NAV3: variants seen among roughly 807,000 people sequenced by gnomAD.
NAV3 encodes the protein neuron navigator 3, also known as pore membrane and/or filament interacting like protein 1.
In NAV3, 87 loss-of-function variants were observed where a neutral mutation model predicts 244.7. That is an observed-to-expected ratio of 0.36 (90% CI 0.30 to 0.42). The LOEUF (loss-of-function observed/expected upper bound fraction) is 0.42. Ranked by LOEUF, NAV3 falls within the 20% of genes least tolerant of loss-of-function variation. The pLI is 1.00. For synonymous variants in NAV3, 1,126 were observed against 1,042.2 expected (o/e 1.08, Z -1.55); for missense variants, 2,663 against 2,893.3 (o/e 0.92, Z 1.83).
chr12:77,946,917 T>C (rs1479018), intron 3 of NAV3, among the ~76,000 whole-genome samples: 47,224 of 151,914 alleles, frequency 0.31, 8,512 homozygotes, highest in East Asian at 0.44. Flanking sequence ...GACATCTGAT[T>C]ATGTGAAATA....
At chr12:77,833,836 G>A (rs1037758814) in intron 1 of NAV3, among the ~76,000 whole-genome samples, 2 of 152,094 alleles carry the variant, frequency 1.3e-5, no homozygotes, top group African/African-American at 4.8e-5. Context: ...GAGTTGGGCC[G>A]CCCAGCAGCC....
At position 78,095,064 on chromosome 12, in the gene NAV3, T is replaced by TAC. The variant is rs56856471; in HGVS notation, c.2637-21684_2637-21683dup. On this transcript the variant is annotated intron_variant, in intron 12 of 39. Coordinates refer to ENST00000397909, the MANE Select transcript of NAV3 (RefSeq NM_001024383.2). The stretch of plus-strand genomic sequence containing the variant: ...ATCAAATTATATATATATATATATA[T>TAC]ACACACACACACACACACACACACA... Among the ~76,000 whole-genome samples the TAC allele has an allele frequency of 4.9e-3, 674 of 137,558 alleles. 13 individuals are homozygous for TAC. The highest frequency in any genetic ancestry group is 0.024 in the East Asian group (115 of 4,876). The allele number at this position is 137,558 out of a possible 152,430, so 90.2% of individuals were successfully genotyped here. A position where few individuals can be genotyped will look rare whatever the true frequency, so the allele number is the denominator to read the frequency against.
chr12:77,882,445 G>A (rs1308131542), intron 1 of NAV3, among the ~76,000 whole-genome samples: 2 of 152,028 alleles, frequency 1.3e-5, no homozygotes, highest in African/African-American at 2.4e-5. Context: ...ATGGATTAAC[G>A]ACTTAAATGT....
intron 12 of NAV3, among the ~76,000 whole-genome samples, chr12:78,078,556 C>A (rs905757057): frequency 2.0e-5 from 3 of 151,374 alleles, no homozygotes; most frequent in African/African-American, 4.9e-5. Flanking sequence ...CCACTACGCC[C>A]GGCTAATTTT....
Position 78,146,381 on chromosome 12 carries a change from G to A in NAV3, c.4696G>A (p.Ala1566Thr), listed in dbSNP as rs772403371. The change falls in exon 21 of 40, where the codon GCT becomes ACT. Residue 1566 changes from alanine to threonine, a missense_variant. Coordinates refer to ENST00000397909, the MANE Select transcript of NAV3 (RefSeq NM_001024383.2). ...SSLYSTAEEKAHSEQIHKLRR... is the reference protein window; with the variant it reads ...SSLYSTAEEKTHSEQIHKLRR... ...TATTGTTTTACAGGCTGAAGAAAAG[G>A]CTCATTCAGAGGTAAAAAAAAAATA... The A allele has an allele frequency of 1.8e-6, 2 of 1,089,176 alleles. No homozygotes were observed. Among genetic ancestry groups the A allele is most frequent in the Non-Finnish European group, 2.5e-6 (2 of 797,526 alleles). 67.5% of individuals were successfully genotyped at this position (1,089,176 alleles called of 1,614,324 possible).
chr12:78,067,291 G>A (rs866351894), intron 12 of NAV3, among the ~76,000 whole-genome samples: 1 of 152,008 alleles, frequency 6.6e-6, no homozygotes, highest in South Asian at 2.1e-4. Flanking sequence ...AGATTAACAG[G>A]CTGAGATGGA....
chr12:78,123,542 C>G (rs1955772338), intron 16 of NAV3, among the ~76,000 whole-genome samples: 1 of 149,172 alleles, frequency 6.7e-6, no homozygotes, highest in Non-Finnish European at 1.5e-5. Context: ...TTTGTAAAAA[C>G]AAAACCCAGA....
intron 12 of NAV3, among the ~76,000 whole-genome samples, chr12:78,107,272 G>A (rs761269990): frequency 2.4e-4 from 36 of 152,110 alleles, no homozygotes; most frequent in Non-Finnish European, 3.5e-4. Context: ...CCAAATATAC[G>A]AATTATAGAT....
chr12:78,070,585 G>A lies in NAV3; in HGVS notation c.2636+11470G>A, dbSNP rs939246694. ...TTATTATTATACTTTAAGTTTTAGG[G>A]TACATGTGCACATTGTGCAGGTTAG... On this transcript the variant is annotated intron_variant, in intron 12 of 39. Coordinates refer to ENST00000397909, the MANE Select transcript of NAV3 (RefSeq NM_001024383.2). 4.6e-5 allele frequency among the ~76,000 whole-genome samples: 7 copies of A among 151,770 alleles called. No individual in the cohort carries two copies. The South Asian group carries it at 1.5e-3, about 32-fold the overall frequency.
intron 30 of NAV3, among the ~76,000 whole-genome samples, chr12:78,183,080 C>G (rs1375808057): frequency 6.6e-6 from 1 of 151,934 alleles, no homozygotes; most frequent in Non-Finnish European, 1.5e-5. Context: ...GAATTTTACT[C>G]AATTATAGCC....
intron 1 of NAV3, among the ~76,000 whole-genome samples, chr12:77,868,768 A>AG (rs1880479276): frequency 6.6e-6 from 1 of 150,594 alleles, no homozygotes; most frequent in African/African-American, 2.4e-5. Context: ...AAAAAAAAAA[A>AG]AAAGAAAAAA....
intron 38 of NAV3, among the ~76,000 whole-genome samples, chr12:78,201,134 A>G (rs2140043326): frequency 7.2e-6 from 1 of 138,668 alleles, no homozygotes; most frequent in Non-Finnish European, 1.5e-5. Flanking sequence ...GCGCAGTGGT[A>G]GAACCATGGC....
At chr12:77,600,640 A>G (rs993992389) in intron 2 of NAV3, among the ~76,000 whole-genome samples, 1 of 151,982 alleles carries the variant, frequency 6.6e-6, no homozygotes, top group African/African-American at 2.4e-5. Flanking sequence ...TCAGGGAATG[A>G]GTGTGTCTCG....
At chr12:78,144,912 C>CAAAAAAAAAAAAA (rs755345560) in intron 20 of NAV3, 22 of 66,276 alleles carry the variant, frequency 3.3e-4, no homozygotes, top group African/African-American at 4.3e-4. Flanking sequence ...GATCCTGTCT[C>CAAAAAAAAAAAAA]AAAAAAAAAA....
At chr12:77,731,857 G>T (rs1163404834) in intron 2 of NAV3, among the ~76,000 whole-genome samples, 1 of 151,910 alleles carries the variant, frequency 6.6e-6, no homozygotes, top group Non-Finnish European at 1.5e-5. Flanking sequence ...AGCGGAGATT[G>T]CAAATGTAGC....
At chr12:77,762,209 A>G (rs1222378777) in intron 2 of NAV3, among the ~76,000 whole-genome samples, 1 of 152,174 alleles carries the variant, frequency 6.6e-6, no homozygotes, top group African/African-American at 2.4e-5. Context: ...GTTCTCACTC[A>G]TAAGTATGAG....
At chr12:77,926,234 A>C (rs143743228) in intron 1 of NAV3, among the ~76,000 whole-genome samples, 12 of 152,248 alleles carry the variant, frequency 7.9e-5, no homozygotes, top group African/African-American at 2.9e-4. Flanking sequence ...AAATTAATTA[A>C]TTAATTAATT....
rs556209553 is a variant in NAV3, at chr12:78,125,405, G to A, written c.4239-1762G>A. ...AAATAATAAAATACACTTTTTAACA[G>A]TTTTCTCTTCTGCAGCTGCTCTAGG... On this transcript the variant is annotated intron_variant, in intron 16 of 39. Coordinates refer to ENST00000397909, the MANE Select transcript of NAV3 (RefSeq NM_001024383.2). Among the ~76,000 whole-genome samples, 237 of 152,164 alleles carry A rather than the reference G, an allele frequency of 1.6e-3. 3 individuals carry two copies. The highest frequency in any genetic ancestry group is 5.4e-3 in the African/African-American group (223 of 41,498).
chr12:78,110,703 T>TGC (rs2138393944), intron 12 of NAV3, among the ~76,000 whole-genome samples: 1 of 152,020 alleles, frequency 6.6e-6, no homozygotes, highest in African/African-American at 2.4e-5. Flanking sequence ...AGTGTGTGTG[T>TGC]GTGTATACAC....
Sources: gnomAD v4.1 joint callset for allele counts (sites outside exome capture counted in the v4.1 genomes callset) on GRCh38, gnomAD v4.1.1 for gene constraint, MANE v1.5 for transcripts, NCBI Gene and HGNC (gene_info 2026-07-23, HGNC 2026-07-21) for gene names.